Variants in UGGT2 observed in about 807,000 individuals in gnomAD.
UGGT2 encodes UDP-glucose:glycoprotein glucosyltransferase 2.
In UGGT2, 180 loss-of-function variants were observed where a neutral mutation model predicts 192.1. The ratio of observed to expected loss-of-function variants is 0.94; its 90% confidence interval spans 0.83 to 1.06. The LOEUF (loss-of-function observed/expected upper bound fraction) is 1.06. Ranked by LOEUF, UGGT2 falls within the 50% of genes least tolerant of loss-of-function variation. The pLI is 0.00. For missense variants in UGGT2, 1,849 were observed against 1,795.7 expected (o/e 1.03, Z -0.54); for synonymous variants, 580 against 591.0 (o/e 0.98, Z 0.27).
intron 27 of UGGT2, among the ~76,000 whole-genome samples, chr13:95,882,305 CA>C (rs2047518374): frequency 6.6e-6 from 1 of 152,132 alleles, no homozygotes; most frequent in Non-Finnish European, 1.5e-5. Context: ...AAAGTCCTGC[CA>C]AGGGAGAATT....
intron 30 of UGGT2, 117 bp downstream of exon 30, chr13:95,867,222 C>T: frequency 1.1e-6 from 1 of 891,486 alleles, no homozygotes; most frequent in South Asian, 1.7e-5. Flanking sequence ...TCAAATATAA[C>T]ATTTTAGGTT....
chr13:96,043,936 GATAGCACTAGA>G (rs2053235191), intron 1 of UGGT2, among the ~76,000 whole-genome samples: 1 of 152,118 alleles, frequency 6.6e-6, no homozygotes, highest in Non-Finnish European at 1.5e-5. Flanking sequence ...ATACTGCACT[GATAGCACTAGA>G]CAGGTCATCA....
At chr13:96,047,739 A>G (rs2053359623) in intron 1 of UGGT2, among the ~76,000 whole-genome samples, 1 of 152,204 alleles carries the variant, frequency 6.6e-6, no homozygotes, top group Non-Finnish European at 1.5e-5. Flanking sequence ...GAGACAAAGA[A>G]GGCCATTACA....
chr13:95,946,305 C>T (rs1404853671), intron 15 of UGGT2, among the ~76,000 whole-genome samples: 1 of 152,144 alleles, frequency 6.6e-6, no homozygotes. Flanking sequence ...AATGACTTCC[C>T]CCTTCTTTGA....
At chr13:95,823,510 T>C (rs779646617) in intron 38 of UGGT2, among the ~76,000 whole-genome samples, 6 of 152,112 alleles carry the variant, frequency 3.9e-5, no homozygotes, top group Non-Finnish European at 7.4e-5. Flanking sequence ...TTTATCATTA[T>C]ATAATGACCT....
chr13:95,998,796 A>G (rs555402759), intron 6 of UGGT2, among the ~76,000 whole-genome samples: 5 of 152,204 alleles, frequency 3.3e-5, no homozygotes, highest in African/African-American at 1.2e-4. Context: ...AAAAAAAAAA[A>G]CTACCATCCT....
rs1291502422 is a variant in UGGT2, at chr13:95,998,085, CA to C, written c.757+1125del. Among the ~76,000 whole-genome samples the C allele has an allele frequency of 2.6e-5, 4 of 152,136 alleles. No individual in the cohort carries two copies. In the East Asian group the frequency reaches 7.7e-4, roughly 29 times the overall value. ...ATTAAGGGCACTGAAGACCTAAGAT[CA>C]GAGAGATGGCTAGTTAAAGGTCTGA... is the stretch of plus-strand genomic sequence containing the variant. On this transcript the variant is annotated intron_variant, in intron 6 of 38. Transcript: ENST00000376747.
chr13:95,928,364 G>A (rs1053960627), intron 17 of UGGT2, among the ~76,000 whole-genome samples: 4 of 84,668 alleles, frequency 4.7e-5, no homozygotes, highest in Non-Finnish European at 1.1e-4. Flanking sequence ...CGGACAGGAC[G>A]GCTGCCGGGC....
chr13:95,961,255 A>C (rs954883310), intron 12 of UGGT2, among the ~76,000 whole-genome samples: 1 of 152,196 alleles, frequency 6.6e-6, no homozygotes, highest in Admixed American at 6.5e-5. Flanking sequence ...TCACATATCA[A>C]TAATAACCTT....
intron 11 of UGGT2, among the ~76,000 whole-genome samples, chr13:95,971,623 C>G (rs1353146886): frequency 6.6e-6 from 1 of 152,172 alleles, no homozygotes; most frequent in African/African-American, 2.4e-5. Context: ...TCCTTTAAAC[C>G]TGTTTTCACT....
At chr13:95,808,093 A>G (rs894169128) in intron 38 of UGGT2, among the ~76,000 whole-genome samples, 1 of 152,074 alleles carries the variant, frequency 6.6e-6, no homozygotes, top group Admixed American at 6.6e-5. Flanking sequence ...GTGGCCAGAG[A>G]GCATTGCCCA....
chr13:95,846,244 G>A (rs534525208), intron 36 of UGGT2, among the ~76,000 whole-genome samples: 12 of 152,294 alleles, frequency 7.9e-5, no homozygotes, highest in East Asian at 7.8e-4. Flanking sequence ...CCGACACGGC[G>A]AAACCCCGTC....
chr13:95,802,926 T>C (rs1307568501), intron 38 of UGGT2, among the ~76,000 whole-genome samples: 7 of 151,932 alleles, frequency 4.6e-5, no homozygotes, highest in East Asian at 3.9e-4. Context: ...CTCCGCCTCC[T>C]GGGTTCACAC....
Position 95,925,716 on chromosome 13 carries a change from A to G in UGGT2, c.2259T>C (p.Ser753=). 2.5e-6 allele frequency: 4 copies of G among 1,582,836 alleles called. No individual in the cohort carries two copies. Among genetic ancestry groups the G allele is most frequent in the Non-Finnish European group, 3.4e-6 (4 of 1,161,530 alleles). Residue 753 remains serine (S), a synonymous_variant, in exon 20 of 39, where the codon TCT becomes TCC. Transcript: ENST00000376747. ...LWIIADFDKP[S]GRKLLFNALK... ...ATGCATTAAAAAGAAGTTTTCTCCCAGAAGGCTTATCAAAATCTGCAATAA... is the reference window on the plus strand; with the variant it reads ...ATGCATTAAAAAGAAGTTTTCTCCCGGAAGGCTTATCAAAATCTGCAATAA...
Position 96,036,909 on chromosome 13 carries a change from C to G in UGGT2, c.159-4938G>C, listed in dbSNP as rs1254567191. On this transcript the variant is annotated intron_variant, in intron 1 of 38. Coordinates refer to ENST00000376747, the MANE Select transcript of UGGT2 (RefSeq NM_020121.4). ...AGTTGGGACTACAGGCACATGCCAC[C>G]ATGCCCAGTTCACTCTTTTGGACAA... Among the ~76,000 whole-genome samples the G allele has an allele frequency of 6.6e-5, 10 of 152,054 alleles. No individual in the cohort carries two copies. In the East Asian group the frequency reaches 1.6e-3, roughly 24 times the overall value.
chr13:96,042,958 A>T (rs2053208319), intron 1 of UGGT2, among the ~76,000 whole-genome samples: 2 of 152,220 alleles, frequency 1.3e-5, no homozygotes, highest in Admixed American at 1.3e-4. Context: ...TAATTGAGGA[A>T]AACTTCCCCA....
At chr13:95,929,272 T>G (rs2049158173) in intron 17 of UGGT2, among the ~76,000 whole-genome samples, 1 of 152,162 alleles carries the variant, frequency 6.6e-6, no homozygotes. Context: ...TAAGATAAAT[T>G]TAATTAAATA....
chr13:95,849,921 T>G (rs1888862094), intron 36 of UGGT2, among the ~76,000 whole-genome samples: 1 of 50,006 alleles, frequency 2.0e-5, no homozygotes, highest in African/African-American at 5.7e-5. Context: ...GGTACACTGT[T>G]TTTTGTTTTT....
At chr13:95,857,731 G>A (rs926771567) in intron 33 of UGGT2, among the ~76,000 whole-genome samples, 3 of 152,046 alleles carry the variant, frequency 2.0e-5, no homozygotes, top group African/African-American at 7.2e-5. Flanking sequence ...TTGAATGAAA[G>A]AAACACATCA....
Sources: gnomAD v4.1 joint callset for allele counts (sites outside exome capture counted in the v4.1 genomes callset) on GRCh38, gnomAD v4.1.1 for gene constraint, MANE v1.5 for transcripts, NCBI Gene and HGNC (gene_info 2026-07-23, HGNC 2026-07-21) for gene names.